Variants in MAPKAP1 observed in about 807,000 individuals in gnomAD.
MAPKAP1 encodes target of rapamycin complex 2 subunit MAPKAP1.
Under a neutral mutation model 65.7 loss-of-function variants are expected in MAPKAP1, and 20 were observed. The observed-to-expected ratio is 0.30, with a 90% confidence interval of 0.21 to 0.44. The LOEUF (loss-of-function observed/expected upper bound fraction) is 0.44, where lower values mean the gene tolerates loss of function less well. MAPKAP1 is among the 20% of genes least tolerant of loss of function. MAPKAP1 has a pLI of 1.00. For missense variants in MAPKAP1, 423 were observed against 648.0 expected (o/e 0.65, Z 3.77); for synonymous variants, 222 against 244.3 (o/e 0.91, Z 0.85).
At chr9:125,585,437 G>A in intron 5 of MAPKAP1, 118 bp downstream of exon 5, 1 of 1,047,562 alleles carries the variant, frequency 9.5e-7, no homozygotes, top group Non-Finnish European at 1.4e-6. Flanking sequence ...CCCAGAGCTG[G>A]ATCAGTGCAG....
At chr9:125,655,171 A>G (rs930310315) in intron 4 of MAPKAP1, among the ~76,000 whole-genome samples, 16 of 152,212 alleles carry the variant, frequency 1.1e-4, no homozygotes, top group African/African-American at 3.4e-4. Context: ...GGCTAAAAGC[A>G]TGGTGTTCCA....
chr9:125,705,775 T>C (rs901199108), intron 1 of MAPKAP1, among the ~76,000 whole-genome samples: 3 of 152,036 alleles, frequency 2.0e-5, no homozygotes, highest in Non-Finnish European at 4.4e-5. Context: ...AGCGTCTCAA[T>C]AGACTGAAAG....
intron 1 of MAPKAP1, among the ~76,000 whole-genome samples, chr9:125,695,549 T>G (rs1240856429): frequency 6.6e-6 from 1 of 152,242 alleles, no homozygotes; most frequent in Non-Finnish European, 1.5e-5. Flanking sequence ...AAGAAACATC[T>G]TGCCTGATAT....
At chr9:125,674,569 A>G (rs1403692877) in intron 1 of MAPKAP1, among the ~76,000 whole-genome samples, 1 of 152,244 alleles carries the variant, frequency 6.6e-6, no homozygotes, top group African/African-American at 2.4e-5. Context: ...CTAGAAATGG[A>G]ACATAGAGAG....
chr9:125,688,723 G>T (rs936412263), intron 1 of MAPKAP1, among the ~76,000 whole-genome samples: 1 of 152,050 alleles, frequency 6.6e-6, no homozygotes, highest in Admixed American at 6.6e-5. Flanking sequence ...TTAGCTGGCC[G>T]TAAGACCCTC....
intron 4 of MAPKAP1, among the ~76,000 whole-genome samples, chr9:125,607,398 G>A (rs1019432926): frequency 6.6e-6 from 1 of 152,164 alleles, no homozygotes. Context: ...AACACTATAG[G>A]TCAGATATCA....
intron 7 of MAPKAP1, among the ~76,000 whole-genome samples, chr9:125,522,786 A>G (rs1829657012): frequency 6.6e-6 from 1 of 152,146 alleles, no homozygotes; most frequent in Non-Finnish European, 1.5e-5. Context: ...CCCACTCTCA[A>G]GGCTTTCTAT....
chr9:125,595,994 T>C lies in MAPKAP1; in HGVS notation c.499-10267A>G. The stretch of plus-strand genomic sequence containing the variant: ...TAACTGTGAAAAAGATATTTGTTGG[T>C]GGCATTAAAGAAGACACTGAAGAAC... On this transcript the variant is annotated intron_variant, in intron 4 of 11. Transcript: ENST00000265960. The surrounding 1 kb of genome is among the most constrained non-coding windows in gnomAD (Gnocchi z 4.0). 1 of 1,525,202 alleles carries C rather than the reference T, an allele frequency of 6.6e-7. No homozygotes were observed. The highest frequency in any genetic ancestry group is 1.1e-5 in the South Asian group (1 of 89,474). 94.5% of individuals were successfully genotyped at this position (1,525,202 alleles called of 1,614,324 possible). A position where few individuals can be genotyped will look rare whatever the true frequency, so the allele number is the denominator to read the frequency against.
chr9:125,547,355 G>A (rs1307056792), intron 6 of MAPKAP1, among the ~76,000 whole-genome samples: 1 of 152,180 alleles, frequency 6.6e-6, no homozygotes, highest in Non-Finnish European at 1.5e-5. Context: ...AGAGGAAAGG[G>A]CATAGGCTGG....
chr9:125,557,802 T>A (rs773477719), intron 6 of MAPKAP1, among the ~76,000 whole-genome samples: 5 of 152,196 alleles, frequency 3.3e-5, no homozygotes, highest in Non-Finnish European at 7.3e-5. Flanking sequence ...TGTCTCTGCC[T>A]AGATCTCTGG....
intron 10 of MAPKAP1, among the ~76,000 whole-genome samples, chr9:125,463,106 T>C (rs1447722907): frequency 2.0e-5 from 3 of 152,232 alleles, no homozygotes; most frequent in East Asian, 1.9e-4. Flanking sequence ...CCATCTTCTT[T>C]AACTAGTCAT....
At chr9:125,705,373 A>G (rs1379761025) in intron 1 of MAPKAP1, among the ~76,000 whole-genome samples, 2 of 152,132 alleles carry the variant, frequency 1.3e-5, no homozygotes, top group Admixed American at 6.5e-5. Flanking sequence ...TATAATACCC[A>G]AATACTCAAA....
At chr9:125,620,756 A>G (rs1482791384) in intron 4 of MAPKAP1, among the ~76,000 whole-genome samples, 1 of 152,210 alleles carries the variant, frequency 6.6e-6, no homozygotes, top group Admixed American at 6.5e-5. Flanking sequence ...AAGCTCGAGA[A>G]AAGTGTTAAC....
At chr9:125,667,326 A>AC (rs1810989071) in intron 3 of MAPKAP1, among the ~76,000 whole-genome samples, 1 of 152,076 alleles carries the variant, frequency 6.6e-6, no homozygotes, top group South Asian at 2.1e-4. Context: ...TATTCACCGT[A>AC]TTTTTGGGTT....
chr9:125,495,413 GTT>G (rs1156530019), intron 8 of MAPKAP1, among the ~76,000 whole-genome samples: 1 of 152,144 alleles, frequency 6.6e-6, no homozygotes, highest in African/African-American at 2.4e-5. Flanking sequence ...CCCAGACAGG[GTT>G]TGTGGCTCAT....
intron 5 of MAPKAP1, among the ~76,000 whole-genome samples, chr9:125,577,793 G>C (rs1312017882): frequency 1.4e-5 from 2 of 147,264 alleles, no homozygotes; most frequent in Admixed American, 6.7e-5. Context: ...CAGCCGCCCC[G>C]TCCAGGAGGG....
At chr9:125,476,126 T>C (rs545244409) in intron 9 of MAPKAP1, among the ~76,000 whole-genome samples, 63 of 152,276 alleles carry the variant, frequency 4.1e-4, no homozygotes, top group African/African-American at 1.4e-3. Flanking sequence ...AGCTAGGCCT[T>C]AAGAAAAAGC....
intron 7 of MAPKAP1, among the ~76,000 whole-genome samples, chr9:125,533,566 T>C (rs1184321246): frequency 6.6e-6 from 1 of 152,160 alleles, no homozygotes; most frequent in Non-Finnish European, 1.5e-5. Context: ...TCTCCCTGCC[T>C]CAGCCTCCTG....
At chr9:125,526,542 A>G (rs1829773466) in intron 7 of MAPKAP1, among the ~76,000 whole-genome samples, 1 of 152,328 alleles carries the variant, frequency 6.6e-6, no homozygotes, top group Admixed American at 6.5e-5. Context: ...AAAAGTTTGA[A>G]AACGTTTATA....
Sources: gnomAD v4.1 joint callset for allele counts (sites outside exome capture counted in the v4.1 genomes callset) on GRCh38, gnomAD v4.1.1 for gene constraint, Gnocchi (gnomAD v3.1) non-coding constraint, MANE v1.5 for transcripts, NCBI Gene and HGNC (gene_info 2026-07-23, HGNC 2026-07-21) for gene names.